The following POLA2 variants were observed in gnomAD, a reference collection of about 807,000 sequenced individuals.
POLA2 encodes DNA polymerase alpha subunit B.
A neutral mutation model predicts 82.8 loss-of-function variants in POLA2; 47 were observed. The ratio of observed to expected loss-of-function variants is 0.57; its 90% CI spans 0.45 to 0.72. POLA2 has a LOEUF of 0.72. Ranked by LOEUF, POLA2 falls within the 30% of genes least tolerant of loss-of-function variation. POLA2 has a pLI of 0.00. For synonymous variants in POLA2, 287 were observed against 286.8 expected (o/e 1.00, Z -0.01); for missense variants, 634 against 728.1 (o/e 0.87, Z 1.49).
intron 10 of POLA2, among the ~76,000 whole-genome samples, chr11:65,282,955 C>T (rs1949656636): frequency 6.6e-6 from 1 of 151,930 alleles, no homozygotes; most frequent in South Asian, 2.1e-4. Flanking sequence ...ATAGGGAGAC[C>T]CTGTCTCTAC....
chr11:65,270,534 G>A (rs1412025277), intron 4 of POLA2, among the ~76,000 whole-genome samples: 2 of 152,204 alleles, frequency 1.3e-5, no homozygotes, highest in Non-Finnish European at 2.9e-5. Context: ...TCCTCCTAAA[G>A]TGGTTTTCTG....
In POLA2 at chr11:65,282,564, G is replaced by A. The variant is rs900538202; in HGVS notation, c.1006+43G>A. On this transcript the variant is annotated intron_variant, in intron 10 of 17. Transcript: ENST00000265465. ...TATTGTTTTGCCAACAATGAGGATG[G>A]TAGACATGAGTCCAGGAGTGCAGTT... 5 of 1,514,610 alleles carry A rather than the reference G, an allele frequency of 3.3e-6. No homozygotes were observed. In the African/African-American group the frequency reaches 5.5e-5, roughly 17 times the overall value. The allele number at this position is 1,514,610 out of a possible 1,614,324, so 93.8% of individuals were successfully genotyped here.
chr11:65,281,099 TC>T lies in POLA2; in HGVS notation c.854del (p.Pro285GlnfsTer18). On this transcript the variant is annotated frameshift_variant, in exon 8 of 18. Transcript: ENST00000265465. LOFTEE classifies it high-confidence loss of function. ...GGGAACATTCCTCGGGTGCTCAAAT[TC>T]CAGTGGATTTATCTGAGCTTAAGGA... ...DREHSSGAQI[P>X]VDLSELKEYS... The T allele has an allele frequency of 6.2e-7, 1 of 1,614,150 alleles. No homozygotes were observed. Among genetic ancestry groups the T allele is most frequent in the Non-Finnish European group, 8.5e-7 (1 of 1,180,008 alleles).
At chr11:65,264,674 T>C (rs1049631109) in intron 1 of POLA2, among the ~76,000 whole-genome samples, 2 of 152,232 alleles carry the variant, frequency 1.3e-5, no homozygotes, top group African/African-American at 4.8e-5. Flanking sequence ...CTGTGGCATA[T>C]ACCTAGCCTT....
At chr11:65,281,761 T>C in intron 9 of POLA2, 29 bp downstream of exon 9, 1 of 1,583,892 alleles carries the variant, frequency 6.3e-7, no homozygotes, top group African/African-American at 1.3e-5. Context: ...ACTTGCCTCT[T>C]GGTTTGCTTC....
At chr11:65,291,424 G>A (rs1949754161) in intron 13 of POLA2, among the ~76,000 whole-genome samples, 1 of 152,188 alleles carries the variant, frequency 6.6e-6, no homozygotes, top group South Asian at 2.1e-4. Flanking sequence ...CAGAGACTTG[G>A]GTTGTGCCAG....
At position 65,275,936 on chromosome 11, in the gene POLA2, A is replaced by G; in HGVS notation, c.399A>G (p.Thr133=). The G allele has an allele frequency of 1.2e-6, 2 of 1,609,088 alleles. No individual in the cohort carries two copies. The highest frequency in any genetic ancestry group is 2.2e-5 in the South Asian group (2 of 89,780). The change falls in exon 5 of 18, where the codon ACA becomes ACG. Residue 133 remains threonine, a synonymous_variant. Coordinates refer to ENST00000265465, the MANE Select transcript of POLA2 (RefSeq NM_002689.4). Reference sequence around the variant, plus strand: ...TCTCTACCCCAGAAACCCCCCTAACAAAAAGGAGTGTGTCAACTCGTAGCC... The same window carrying G: ...TCTCTACCCCAGAAACCCCCCTAACGAAAAGGAGTGTGTCAACTCGTAGCC... ...RAISTPETPL[T]KRSVSTRSPH...
intron 8 of POLA2, among the ~76,000 whole-genome samples, chr11:65,304,438 TCCACCCACCCAC>T (rs906021331): frequency 8.0e-6 from 1 of 125,306 alleles, no homozygotes; most frequent in Non-Finnish European, 1.6e-5. Flanking sequence ...CACCCAACCA[TCCACCCACCCAC>T]CCATCCATCC....
At chr11:65,281,875 A>G (rs1271550267) in intron 9 of POLA2, 143 bp downstream of exon 9, 2 of 684,258 alleles carry the variant, frequency 2.9e-6, no homozygotes, top group Non-Finnish European at 5.3e-6. Context: ...ACCCACCCCT[A>G]GGCCAGGGGT....
chr11:65,282,556 T>C (rs1372543798), intron 10 of POLA2, 35 bp downstream of exon 10: 2 of 1,575,354 alleles, frequency 1.3e-6, no homozygotes, highest in Non-Finnish European at 1.7e-6. Context: ...TTGCCAACAA[T>C]GAGGATGGTA....
At chr11:65,282,364 T>C in intron 9 of POLA2, 115 bp from the exon 10 acceptor site, 1 of 814,532 alleles carries the variant, frequency 1.2e-6, no homozygotes, top group Non-Finnish European at 2.1e-6. Context: ...CTCTCGCTCC[T>C]CCCCACTGTC....
intron 6 of POLA2, among the ~76,000 whole-genome samples, chr11:65,279,131 C>T (rs112326508): frequency 0.01 from 1,573 of 152,276 alleles, 22 homozygotes; most frequent in African/African-American, 0.035. Flanking sequence ...TTTGCTAAAA[C>T]GCACATAACC....
chr11:65,262,635 G>A (rs1031713696), intron 1 of POLA2, among the ~76,000 whole-genome samples: 1 of 152,160 alleles, frequency 6.6e-6, no homozygotes, highest in African/African-American at 2.4e-5. Flanking sequence ...TTCCCGAAAG[G>A]CGGAATTGGG....
chr11:65,268,717 C>A lies in POLA2; in HGVS notation c.342C>A (p.Thr114=). The change falls in exon 4 of 18, where the codon ACC becomes ACA. Residue 114 remains threonine, a synonymous_variant. Transcript: ENST00000265465. Reference sequence around the variant, plus strand: ...AGGAAATCCTCTTGAACTCTTACACCACACCTTCAAAGGTAAGTAAACAGT... The same window carrying A: ...AGGAAATCCTCTTGAACTCTTACACAACACCTTCAAAGGTAAGTAAACAGT... ...EEEEILLNSY[T]TPSKGSQKRA... 6.3e-7 allele frequency: 1 copy of A among 1,586,178 alleles called. No individual in the cohort carries two copies. Among genetic ancestry groups the A allele is most frequent in the Non-Finnish European group, 8.6e-7 (1 of 1,165,998 alleles).
rs764747620 is a variant in POLA2, at chr11:65,267,530, C to T, written c.258C>T (p.Gly86=). Residue 86 remains glycine (G), a synonymous_variant, in exon 3 of 18, where the codon GGC becomes GGT. Transcript: ENST00000265465. The part of the protein sequence containing the change: ...KARHSTCKDS[G]HAGARDIVSI... ...GGCATAGTACCTGCAAGGACAGTGG[C>T]CATGCAGGAGCTAGAGACATTGTTT... The T allele has an allele frequency of 1.2e-6, 2 of 1,611,838 alleles. No individual in the cohort carries two copies. Among genetic ancestry groups the T allele is most frequent in the Non-Finnish European group, 1.7e-6 (2 of 1,178,778 alleles).
chr11:65,305,249 T>C, intron 8 of POLA2: 1 of 410,472 alleles, frequency 2.4e-6, no homozygotes, highest in Non-Finnish European at 4.9e-6. Flanking sequence ...CTGCAGAAAT[T>C]CTGCAGTTCA....
At chr11:65,288,512 GTTTT>G (rs572913995) in intron 11 of POLA2, among the ~76,000 whole-genome samples, 1 of 119,950 alleles carries the variant, frequency 8.3e-6, no homozygotes. Context: ...TTTGTTTTTT[GTTTT>G]TTTTTTTTTT....
At chr11:65,286,354 G>A (rs930376844) in intron 10 of POLA2, among the ~76,000 whole-genome samples, 1 of 151,968 alleles carries the variant, frequency 6.6e-6, no homozygotes, top group Non-Finnish European at 1.5e-5. Context: ...CACACCTTCA[G>A]TTTAGGATTT....
intron 7 of POLA2, chr11:65,280,017 G>A (rs764062344): frequency 1.1e-5 from 2 of 177,878 alleles, no homozygotes; most frequent in Non-Finnish European, 2.3e-5. Context: ...CTCTCCCCTG[G>A]TTTGGTCTCT....
Sources: allele counts gnomAD v4.1 joint callset (sites outside exome capture counted in the v4.1 genomes callset), GRCh38; gene constraint gnomAD v4.1.1; transcripts MANE v1.5; gene names NCBI Gene and HGNC (gene_info 2026-07-23, HGNC 2026-07-21).